DMD: variants seen among roughly 807,000 people sequenced by gnomAD.
DMD encodes mutant dystrophin.
Under a neutral mutation model 330.1 loss-of-function variants are expected in DMD, and 63 were observed. That is an observed-to-expected ratio of 0.19 (90% confidence interval 0.16 to 0.24). DMD has a LOEUF of 0.24. DMD is among the 10% of genes least tolerant of loss of function. The pLI, the probability that DMD is intolerant of heterozygous loss-of-function variation, is 1.00. For synonymous variants in DMD, 1,223 were observed against 959.8 expected (o/e 1.27, Z -5.07); for missense variants, 3,344 against 2,684.1 (o/e 1.25, Z -5.43).
At chrX:31,385,856 C>A (rs2060419416) in intron 60 of DMD, among the ~76,000 whole-genome samples, 1 of 111,976 alleles carries the variant, frequency 8.9e-6, no homozygotes, top group Non-Finnish European at 1.9e-5. Flanking sequence ...TACCATTTGA[C>A]CCAGCCATCC....
chrX:32,451,329 T>C (rs1471409402), intron 26 of DMD, among the ~76,000 whole-genome samples: 1 of 111,155 alleles, frequency 9.0e-6, no homozygotes, highest in African/African-American at 3.3e-5. Context: ...AATTTATTTG[T>C]GTATTTACTA....
chrX:33,308,586 C>A (rs1000508079), intron 1 of DMD, among the ~76,000 whole-genome samples: 1 of 111,641 alleles, frequency 9.0e-6, no homozygotes, highest in African/African-American at 3.3e-5. Flanking sequence ...GTTAACCAAA[C>A]TAGATCTTCA....
chrX:33,305,078 A>G (rs1341588172), intron 1 of DMD, among the ~76,000 whole-genome samples: 11 of 110,234 alleles, frequency 1.0e-4, no homozygotes, highest in Non-Finnish European at 7.6e-5. Flanking sequence ...TATATACCCA[A>G]AGGACTATAA....
intron 1 of DMD, among the ~76,000 whole-genome samples, chrX:33,042,454 T>C (rs2094317634): frequency 8.9e-6 from 1 of 112,627 alleles, no homozygotes; most frequent in South Asian, 3.6e-4. Flanking sequence ...GATTTTACTG[T>C]ACTTGCATAA....
In DMD at chrX:33,035,890, C is replaced by T. The variant is rs375110607; in HGVS notation, c.32-15690G>A. Among the ~76,000 whole-genome samples, 17 of 111,426 alleles carry T rather than the reference C, an allele frequency of 1.5e-4. No individual in the cohort carries two copies. The South Asian group carries it at 4.8e-3, about 32-fold the overall frequency. On this transcript the variant is annotated intron_variant, in intron 1 of 78. Transcript: ENST00000357033. ...GAGATCAGTAGAAATAACCAGTAAC[C>T]GCTAAAAGAGGAACATTATTGATTG...
Position 33,191,838 on chromosome X carries a change from T to C in DMD, c.31+19444A>G, listed in dbSNP as rs151212585. Among the ~76,000 whole-genome samples, 346 of 111,970 alleles carry C rather than the reference T, an allele frequency of 3.1e-3. 1 individual carries two copies. The highest frequency in any genetic ancestry group is 0.011 in the African/African-American group (336 of 30,815). On this transcript the variant is annotated intron_variant, in intron 1 of 78. Coordinates refer to ENST00000357033, the MANE Select transcript of DMD (RefSeq NM_004006.3). ...CAGCCATTTCTCTTTCCACCATTCATACCCAAACCCAAACCAAACAAGAAT... is the reference window on the plus strand; with the variant it reads ...CAGCCATTTCTCTTTCCACCATTCACACCCAAACCCAAACCAAACAAGAAT...
intron 52 of DMD, among the ~76,000 whole-genome samples, chrX:31,705,498 C>T (rs1395292442): frequency 8.8e-6 from 1 of 113,042 alleles, no homozygotes; most frequent in African/African-American, 3.2e-5. Context: ...GTGACCACTG[C>T]TTTTCAGCAA....
rs1491227575 is a variant in DMD, at chrX:32,252,684, A to AT, written c.6290+34844_6290+34845insA. ...TATAAATATATATATATAAATATAT[A>AT]AATATATATATAAATATATATAAAT... On this transcript the variant is annotated intron_variant, in intron 43 of 78. Coordinates refer to ENST00000357033, the MANE Select transcript of DMD (RefSeq NM_004006.3). Among the ~76,000 whole-genome samples, 108 of 53,960 alleles carry AT rather than the reference A, an allele frequency of 2.0e-3. 11 individuals are homozygous for AT. The highest frequency in any genetic ancestry group is 8.5e-3 in the African/African-American group (100 of 11,704). 46.9% of individuals were successfully genotyped at this position (53,960 alleles called of 115,157 possible).
chrX:32,600,407 G>A (rs1163662318), intron 12 of DMD, among the ~76,000 whole-genome samples: 2 of 111,025 alleles, frequency 1.8e-5, no homozygotes, highest in Non-Finnish European at 3.8e-5. Flanking sequence ...AAATTCGATG[G>A]GAGAAGCTTT....
At chrX:31,244,999 C>T (rs189523112) in intron 63 of DMD, among the ~76,000 whole-genome samples, 2 of 111,813 alleles carry the variant, frequency 1.8e-5, no homozygotes, top group East Asian at 5.6e-4. Flanking sequence ...AATGAACGAA[C>T]GAGGCCATCA....
At chrX:31,872,148 T>C (rs1409255258) in intron 48 of DMD, among the ~76,000 whole-genome samples, 1 of 108,187 alleles carries the variant, frequency 9.2e-6, no homozygotes, top group Non-Finnish European at 1.9e-5. Context: ...ATTTTTGAAG[T>C]CTGCACTCCA....
chrX:32,035,027 C>T (rs921473423), intron 44 of DMD, among the ~76,000 whole-genome samples: 2 of 111,517 alleles, frequency 1.8e-5, no homozygotes, highest in African/African-American at 3.3e-5. Flanking sequence ...TCTTATATGC[C>T]AGACCCTGTG....
upstream of DMD, among the ~76,000 whole-genome samples, chrX:33,214,998 A>G (rs2052025923): frequency 8.9e-6 from 1 of 112,069 alleles, no homozygotes; most frequent in Non-Finnish European, 1.9e-5. Flanking sequence ...GTTGTTAAAA[A>G]ATGTTATATG....
intron 2 of DMD, among the ~76,000 whole-genome samples, chrX:32,896,214 C>T (rs142283456): frequency 0.011 from 1,276 of 111,317 alleles, 9 homozygotes; most frequent in Non-Finnish European, 0.019. Flanking sequence ...TCTGCTGTAG[C>T]CTGCTTAATT....
intron 25 of DMD, 26 bp from the exon 26 acceptor site, chrX:32,454,858 AC>A (rs777036163): frequency 1.5e-5 from 18 of 1,196,166 alleles, no homozygotes; most frequent in Non-Finnish European, 2.0e-5. Flanking sequence ...CAAACAAAAC[AC>A]GATTATTGAC....
chrX:31,140,791 A>G (rs1174215679), intron 76 of DMD, among the ~76,000 whole-genome samples: 1 of 112,009 alleles, frequency 8.9e-6, no homozygotes, highest in Non-Finnish European at 1.9e-5. Flanking sequence ...TGTTTGTTGC[A>G]CAGAGTATCC....
At chrX:32,297,271 A>ATTTATTTATTTATTAT (rs869187763) in intron 42 of DMD, among the ~76,000 whole-genome samples, 1 of 89,820 alleles carries the variant, frequency 1.1e-5, no homozygotes, top group African/African-American at 4.9e-5. Context: ...TTATTTATTT[A>ATTTATTTATTTATTAT]TTATTTATTT....
chrX:32,925,645 A>G (rs2088939391), intron 2 of DMD, among the ~76,000 whole-genome samples: 1 of 111,998 alleles, frequency 8.9e-6, no homozygotes, highest in African/African-American at 3.2e-5. Context: ...TTTTTGAGGG[A>G]AATAGTATGT....
At chrX:31,509,348 A>T in intron 55 of DMD, among the ~76,000 whole-genome samples, 1 of 112,029 alleles carries the variant, frequency 8.9e-6, no homozygotes, top group East Asian at 2.8e-4. Flanking sequence ...GTACTTCAGG[A>T]GAAAAAGCCA....
Sources: allele counts gnomAD v4.1 joint callset (sites outside exome capture counted in the v4.1 genomes callset), GRCh38; gene constraint gnomAD v4.1.1; transcripts MANE v1.5; gene names NCBI Gene and HGNC (gene_info 2026-07-23, HGNC 2026-07-21).